Variants in TANC2 observed in about 807,000 individuals in gnomAD.
The protein encoded by TANC2 is protein TANC2.
A neutral mutation model predicts 210.5 loss-of-function variants in TANC2; 26 were observed. The observed-to-expected ratio is 0.12, with a 90% CI of 0.09 to 0.17. TANC2 has a LOEUF of 0.17. Ranked by LOEUF, TANC2 falls within the 10% of genes least tolerant of loss-of-function variation. TANC2 has a pLI of 1.00. For synonymous variants in TANC2, 931 were observed against 967.1 expected, an observed-to-expected ratio of 0.96 and a Z score of 0.69; for missense variants, 2,129 against 2,608.9, an observed-to-expected ratio of 0.82 and a Z score of 4.01.
chr17:63,308,385 A>G (rs9902015), intron 9 of TANC2, among the ~76,000 whole-genome samples: 223 of 152,054 alleles, frequency 1.5e-3, no homozygotes, highest in African/African-American at 5.2e-3. Flanking sequence ...TTCTGGGACT[A>G]TTATAGTGAG....
rs748469152 is a variant in TANC2 at position 63,412,084 on chromosome 17, G to A, written c.3852G>A (p.Arg1284=). Residue 1284 remains arginine, a synonymous_variant, in exon 23 of 28, where the codon CGG becomes CGA. Coordinates refer to ENST00000689528, the Ensembl canonical transcript of TANC2. The surrounding 1 kb of genome is among the most constrained non-coding windows in gnomAD (Gnocchi z 4.2). ...CTTTGGATAGGGCAGTGGGGTGCCG[G>A]AACACTTCTGTTGTTGTCACTCTTC... 7 of 1,613,774 alleles carry A rather than the reference G, an allele frequency of 4.3e-6. No homozygotes were observed. The highest frequency in any genetic ancestry group is 5.9e-6 in the Non-Finnish European group (7 of 1,179,878).
At chr17:63,083,098 C>T (rs2036839249) in intron 3 of TANC2, among the ~76,000 whole-genome samples, 1 of 152,074 alleles carries the variant, frequency 6.6e-6, no homozygotes, top group Non-Finnish European at 1.5e-5. Context: ...ACAATCAGGC[C>T]CTGCTCAAAT....
intron 2 of TANC2, among the ~76,000 whole-genome samples, chr17:63,022,357 AT>A (rs2034386830): frequency 6.7e-6 from 1 of 149,454 alleles, no homozygotes; most frequent in Non-Finnish European, 1.5e-5. Flanking sequence ...AAAAAAAAGA[AT>A]GACAAACTAG....
At chr17:63,214,395 G>A (rs1211027607) in intron 7 of TANC2, among the ~76,000 whole-genome samples, 1 of 152,222 alleles carries the variant, frequency 6.6e-6, no homozygotes, top group Non-Finnish European at 1.5e-5. Flanking sequence ...TCAAATCGTT[G>A]TGAAGGCCAC....
chr17:63,081,956 G>A (rs1038985625), intron 3 of TANC2, among the ~76,000 whole-genome samples: 1 of 152,068 alleles, frequency 6.6e-6, no homozygotes, highest in South Asian at 2.1e-4. Flanking sequence ...ACGAGATCAG[G>A]AGATCAAGAC....
At chr17:63,123,757 G>C (rs1414217404) in intron 4 of TANC2, among the ~76,000 whole-genome samples, 1 of 66,718 alleles carries the variant, frequency 1.5e-5, no homozygotes, top group Admixed American at 1.3e-4. Flanking sequence ...CACTATCTTG[G>C]CTCACTGCAA....
rs542757576 is a variant in TANC2 at position 63,237,740 on chromosome 17, T to C, written c.770-74T>C. 42 of 1,418,360 alleles carry C rather than the reference T, an allele frequency of 3.0e-5. No homozygotes were observed. In the African/African-American group the frequency reaches 4.5e-4, roughly 15 times the overall value. The allele number at this position is 1,418,360 out of a possible 1,614,324, so 87.9% of individuals were successfully genotyped here. ...GGTGTCCTTTCCCCAATGTGTGTTT[T>C]TATCAACTTTGTCAAAGATTAATAA... On this transcript the variant is annotated intron_variant, in intron 7 of 27. Coordinates refer to ENST00000689528, the Ensembl canonical transcript of TANC2.
intron 4 of TANC2, among the ~76,000 whole-genome samples, chr17:63,133,322 G>A (rs1046699846): frequency 6.6e-6 from 1 of 151,264 alleles, no homozygotes; most frequent in Non-Finnish European, 1.5e-5. Context: ...GGCCAGGCTG[G>A]TCTCAAACTC....
intron 7 of TANC2, among the ~76,000 whole-genome samples, chr17:63,224,161 C>G (rs2042267638): frequency 6.6e-6 from 1 of 151,926 alleles, no homozygotes; most frequent in South Asian, 2.1e-4. Context: ...TCTGTTCAAC[C>G]ATCTTGCCAC....
chr17:63,085,655 A>T (rs2036934187), intron 3 of TANC2, among the ~76,000 whole-genome samples: 1 of 152,084 alleles, frequency 6.6e-6, no homozygotes, highest in Non-Finnish European at 1.5e-5. Flanking sequence ...TTTTACTCAC[A>T]CACACACAAG....
At chr17:63,022,524 G>T (rs1180231069) in intron 2 of TANC2, among the ~76,000 whole-genome samples, 1 of 152,088 alleles carries the variant, frequency 6.6e-6, no homozygotes, top group Non-Finnish European at 1.5e-5. Flanking sequence ...AAAATTCCCA[G>T]CCTGGCCATG....
chr17:63,023,030 C>G (rs1375013534), intron 2 of TANC2, among the ~76,000 whole-genome samples: 2 of 152,168 alleles, frequency 1.3e-5, no homozygotes, highest in Non-Finnish European at 2.9e-5. Context: ...TTCAAGATTT[C>G]AAAGAATGTT....
Position 63,407,311 on chromosome 17 carries a change from G to T in TANC2, c.3589+1034G>T, listed in dbSNP as rs144655045. Among the ~76,000 whole-genome samples the T allele has an allele frequency of 2.4e-3, 364 of 152,280 alleles. 5 individuals carry two copies. The highest frequency in any genetic ancestry group is 8.7e-3 in the East Asian group (45 of 5,164). On this transcript the variant is annotated intron_variant, in intron 21 of 27. Coordinates refer to ENST00000689528, the Ensembl canonical transcript of TANC2. ...AGCTACCAAAGAAATTTGGCTTCATGCTCTCTCCCTTCATTCTGCTGGGGA... is the reference window on the plus strand; with the variant it reads ...AGCTACCAAAGAAATTTGGCTTCATTCTCTCTCCCTTCATTCTGCTGGGGA...
At chr17:63,040,414 C>T (rs1010956405) in intron 2 of TANC2, among the ~76,000 whole-genome samples, 1 of 152,218 alleles carries the variant, frequency 6.6e-6, no homozygotes, top group South Asian at 2.1e-4. Flanking sequence ...TTTCCCACCC[C>T]CTCCAAAAGA....
At chr17:63,305,601 A>G (rs2044876143) in intron 9 of TANC2, 1 of 152,192 alleles carries the variant, frequency 6.6e-6, no homozygotes, top group African/African-American at 2.4e-5. Context: ...CCTTTCTCTA[A>G]GAGTTTGCAA....
At chr17:63,184,975 G>A (rs1288671227) in intron 5 of TANC2, among the ~76,000 whole-genome samples, 1 of 141,796 alleles carries the variant, frequency 7.1e-6, no homozygotes, top group Admixed American at 7.1e-5. Flanking sequence ...CAGTAATACG[G>A]TTTTTTTTTT....
chr17:63,306,409 C>G (rs994217213), intron 9 of TANC2, among the ~76,000 whole-genome samples: 1 of 152,164 alleles, frequency 6.6e-6, no homozygotes, highest in African/African-American at 2.4e-5. Context: ...TAATAAAACT[C>G]TCTTGATTCC....
intron 5 of TANC2, among the ~76,000 whole-genome samples, chr17:63,161,101 T>C (rs192164279): frequency 4.5e-4 from 68 of 152,346 alleles, no homozygotes; most frequent in African/African-American, 1.6e-3. Flanking sequence ...AGCCTCATCC[T>C]TTAATGAGTT....
chr17:63,064,717 CTATT>C (rs1280254804), intron 2 of TANC2, among the ~76,000 whole-genome samples: 1 of 151,842 alleles, frequency 6.6e-6, no homozygotes, highest in African/African-American at 2.4e-5. Flanking sequence ...TCTGGATAAT[CTATT>C]AATCTTTATA....
Sources: allele counts gnomAD v4.1 joint callset (sites outside exome capture counted in the v4.1 genomes callset), GRCh38; gene constraint gnomAD v4.1.1; non-coding constraint Gnocchi (gnomAD v3.1); transcripts MANE v1.5; gene names NCBI Gene and HGNC (gene_info 2026-07-23, HGNC 2026-07-21).